Variants in TRIM71 observed in about 807,000 individuals in gnomAD.
TRIM71 encodes the protein tripartite motif containing 71.
TRIM71 carries 9 observed loss-of-function variants against 61.2 expected under a neutral mutation model. That is an observed-to-expected ratio of 0.15 (90% CI 0.09 to 0.26). The LOEUF is 0.26. Ranked by LOEUF, TRIM71 falls within the 10% of genes least tolerant of loss-of-function variation. The pLI is 1.00. For missense variants in TRIM71, 998 were observed against 1,238.7 expected, an observed-to-expected ratio of 0.81 and a Z score of 2.92; for synonymous variants, 645 against 553.2, an observed-to-expected ratio of 1.17 and a Z score of -2.33.
intron 1 of TRIM71, among the ~76,000 whole-genome samples, chr3:32,837,348 T>C (rs750897144): frequency 1.2e-4 from 19 of 152,338 alleles, no homozygotes; most frequent in Non-Finnish European, 2.1e-4. Context: ...GTTCCTTTAC[T>C]GTGTGGCCTT....
intron 1 of TRIM71, among the ~76,000 whole-genome samples, chr3:32,863,835 C>G (rs1368175883): frequency 6.6e-6 from 1 of 152,052 alleles, no homozygotes; most frequent in Non-Finnish European, 1.5e-5. Context: ...GTGCCCACCA[C>G]CAGGCCTGGC....
At chr3:32,887,219 T>C (rs1295934386) in intron 3 of TRIM71, among the ~76,000 whole-genome samples, 2 of 152,146 alleles carry the variant, frequency 1.3e-5, no homozygotes, top group East Asian at 1.9e-4. Flanking sequence ...GCTTTCACCT[T>C]AGTTACCCTC....
Position 32,890,632 on chromosome 3 carries a change from C to G in TRIM71, c.1428C>G (p.Gly476=). Reference sequence around the variant, plus strand: ...TGTACCTTGCCATCAAGTCTTTTGGCTTTGTTAGCAGCGGGGCCTTTGCCC... The same window carrying G: ...TGTACCTTGCCATCAAGTCTTTTGGGTTTGTTAGCAGCGGGGCCTTTGCCC... ...QALYLAIKSF[G]FVSSGAFAPL... The change falls in exon 4 of 4, where the codon GGC becomes GGG. Residue 476 remains glycine (G), a synonymous_variant. Coordinates refer to ENST00000383763, the MANE Select transcript of TRIM71 (RefSeq NM_001039111.3). The surrounding 1 kb of genome is among the most constrained non-coding windows in gnomAD (Gnocchi z 6.2). The G allele has an allele frequency of 5.0e-6, 8 of 1,613,926 alleles. No individual in the cohort carries two copies. The highest frequency in any genetic ancestry group is 6.8e-6 in the Non-Finnish European group (8 of 1,180,034).
intron 1 of TRIM71, among the ~76,000 whole-genome samples, chr3:32,860,648 C>G (rs1696656967): frequency 1.3e-5 from 2 of 152,146 alleles, no homozygotes; most frequent in African/African-American, 4.8e-5. Context: ...TTAACCTGCC[C>G]AGTAACTGCC....
intron 2 of TRIM71, among the ~76,000 whole-genome samples, chr3:32,879,990 T>C (rs1696891009): frequency 6.6e-6 from 1 of 152,040 alleles, no homozygotes; most frequent in Admixed American, 6.6e-5. Context: ...TTTCTTTTAT[T>C]TTCTTTTTTA....
intron 1 of TRIM71, among the ~76,000 whole-genome samples, chr3:32,857,842 G>T (rs1238008517): frequency 1.3e-5 from 2 of 152,088 alleles, no homozygotes; most frequent in African/African-American, 4.8e-5. Flanking sequence ...GTGGTAGTGG[G>T]TGCCTGTGAT....
chr3:32,890,472 A>G lies in TRIM71; in HGVS notation c.1268A>G (p.Glu423Gly). Residue 423 changes from glutamate to glycine, a missense_variant, in exon 4 of 4, where the codon GAG becomes GGG. Physicochemically the swap from Glu to Gly is moderately conservative, Grantham distance 98 (BLOSUM62 -2). Around this residue, in one of 5 missense-constraint regions of TRIM71, gnomAD observed 291 missense variants for 431.2 expected, o/e 0.67. Coordinates refer to ENST00000383763, the MANE Select transcript of TRIM71 (RefSeq NM_001039111.3). This position sits in a 1 kb window ranked among gnomAD's most constrained non-coding sequence, Gnocchi z 6.2. ...ATCAGTGCCGTGCAGCAGGTCCTGG[A>G]GGAGGGTAGAGCGCTAGACATCCTA... is the stretch of plus-strand genomic sequence containing the variant. Reference protein sequence around the residue: ...STISAVQQVLEEGRALDILLA... With the variant: ...STISAVQQVLGEGRALDILLA... The G allele has an allele frequency of 6.2e-7, 1 of 1,614,186 alleles. No individual in the cohort carries two copies. The highest frequency in any genetic ancestry group is 8.5e-7 in the Non-Finnish European group (1 of 1,180,048).
chr3:32,870,968 A>ATT (rs537452978), intron 1 of TRIM71, among the ~76,000 whole-genome samples: 4,209 of 137,826 alleles, frequency 0.031, 233 homozygotes, highest in African/African-American at 0.1. Flanking sequence ...ACGCCCAGCA[A>ATT]TTTTTTTTTT....
rs75217097 is a variant in TRIM71 at position 32,843,457 on chromosome 3, G to A, written c.852+24525G>A. ...GGGGCCTCGAAGTAAGGGATACTGG[G>A]ATCTGTGAAAATGGAGTGGATGGCC... On this transcript the variant is annotated intron_variant, in intron 1 of 3. Coordinates refer to ENST00000383763, the MANE Select transcript of TRIM71 (RefSeq NM_001039111.3). Among the ~76,000 whole-genome samples, 878 of 152,246 alleles carry A rather than the reference G, an allele frequency of 5.8e-3. 21 individuals carry two copies. The highest frequency in any genetic ancestry group is 0.02 in the African/African-American group (837 of 41,542).
intron 1 of TRIM71, among the ~76,000 whole-genome samples, chr3:32,865,488 A>G (rs1481108919): frequency 6.6e-6 from 1 of 152,176 alleles, no homozygotes. Context: ...AGACATATTC[A>G]TGAAACTACT....
At chr3:32,857,561 A>G (rs974978336) in intron 1 of TRIM71, among the ~76,000 whole-genome samples, 4 of 152,242 alleles carry the variant, frequency 2.6e-5, no homozygotes, top group African/African-American at 9.6e-5. Flanking sequence ...GTTGACTAGA[A>G]TTCTTACAGA....
chr3:32,891,552 T>C lies in TRIM71; in HGVS notation c.2348T>C (p.Phe783Ser), dbSNP rs747205413. ...VIHPDCQSAR[F>S]LGSEGTGNGQ... Reference sequence around the variant, plus strand: ...CACCCCGACTGCCAGTCGGCACGCTTTCTGGGCTCGGAGGGCACAGGCAAT... The same window carrying C: ...CACCCCGACTGCCAGTCGGCACGCTCTCTGGGCTCGGAGGGCACAGGCAAT... Residue 783 changes from phenylalanine to serine, a missense_variant, in exon 4 of 4, where the codon TTT (phenylalanine) becomes TCT (serine). Physicochemically the swap from Phe to Ser is radical, Grantham distance 155. Transcript: ENST00000383763. The surrounding 1 kb of genome is among the most constrained non-coding windows in gnomAD (Gnocchi z 8.2). The C allele has an allele frequency of 1.1e-4, 177 of 1,613,476 alleles. No homozygotes were observed. The highest frequency in any genetic ancestry group is 1.3e-4 in the Non-Finnish European group (153 of 1,179,708).
intron 1 of TRIM71, among the ~76,000 whole-genome samples, chr3:32,838,638 T>C (rs1363000162): frequency 2.0e-5 from 3 of 151,170 alleles, no homozygotes; most frequent in African/African-American, 7.3e-5. Flanking sequence ...ATAGGGGAGC[T>C]AAAGCTCTTT....
intron 2 of TRIM71, among the ~76,000 whole-genome samples, chr3:32,881,877 T>A (rs1379056243): frequency 6.6e-6 from 1 of 152,206 alleles, no homozygotes; most frequent in Non-Finnish European, 1.5e-5. Context: ...AGACCTATTT[T>A]TCCACTATGC....
At chr3:32,872,992 C>T (rs1696811843) in intron 1 of TRIM71, among the ~76,000 whole-genome samples, 1 of 151,974 alleles carries the variant, frequency 6.6e-6, no homozygotes, top group South Asian at 2.1e-4. Context: ...AGTTTCTATG[C>T]CAAGGAGTTT....
chr3:32,861,156 G>T (rs1696664315), intron 1 of TRIM71, among the ~76,000 whole-genome samples: 2 of 151,748 alleles, frequency 1.3e-5, no homozygotes, highest in Non-Finnish European at 2.9e-5. Context: ...GCCAGAGCAA[G>T]ACTGTCTCAA....
At chr3:32,879,260 T>C (rs1163793069) in intron 2 of TRIM71, among the ~76,000 whole-genome samples, 1 of 152,236 alleles carries the variant, frequency 6.6e-6, no homozygotes, top group African/African-American at 2.4e-5. Flanking sequence ...TTTCTTCATA[T>C]CAGCAATAAG....
intron 1 of TRIM71, among the ~76,000 whole-genome samples, chr3:32,833,892 A>G (rs1696303938): frequency 1.3e-5 from 2 of 152,092 alleles, no homozygotes; most frequent in Non-Finnish European, 2.9e-5. Context: ...TGGGGAAAAA[A>G]ATGGGTTTTT....
intron 1 of TRIM71, among the ~76,000 whole-genome samples, chr3:32,832,959 G>A (rs1472430416): frequency 2.0e-5 from 3 of 151,878 alleles, no homozygotes; most frequent in African/African-American, 7.3e-5. Context: ...GATCATCTGA[G>A]GTCAGGAGTT....
Sources: gnomAD v4.1 joint callset for allele counts (sites outside exome capture counted in the v4.1 genomes callset) on GRCh38, gnomAD v4.1.1 for gene constraint, gnomAD v4.1.1 regional missense constraint, Gnocchi (gnomAD v3.1) non-coding constraint, MANE v1.5 for transcripts, NCBI Gene and HGNC (gene_info 2026-07-23, HGNC 2026-07-21) for gene names.